PPP2R5A: variants seen among roughly 807,000 people sequenced by gnomAD.
PPP2R5A encodes protein phosphatase 2 regulatory subunit B'alpha.
In PPP2R5A, 25 loss-of-function variants were observed where a neutral mutation model predicts 64.2. The ratio of observed to expected loss-of-function variants is 0.39; its 90% confidence interval spans 0.28 to 0.54. The LOEUF is 0.54. Among genes scored for constraint, PPP2R5A ranks in the 20% least tolerant of loss-of-function variants. PPP2R5A has a pLI of 0.67. For synonymous variants in PPP2R5A, 198 were observed against 201.2 expected (o/e 0.98, Z 0.13); for missense variants, 425 against 576.3 (o/e 0.74, Z 2.69).
In PPP2R5A at chr1:212,357,264, T is replaced by C; in HGVS notation, c.1206T>C (p.Ile402=). The change falls in exon 11 of 13, where the codon ATT becomes ATC. Residue 402 remains isoleucine, a synonymous_variant. Coordinates refer to ENST00000261461, the MANE Select transcript of PPP2R5A (RefSeq NM_006243.4). ...TTATGTTTGCCAGTTTGTACAAAAT[T>C]TCCAAAGAACACTGGAATCCGTAAG... is the stretch of plus-strand genomic sequence containing the variant. ...LPIMFASLYK[I]SKEHWNPTIV... 1 of 1,585,324 alleles carries C rather than the reference T, an allele frequency of 6.3e-7. No individual in the cohort carries two copies. Among genetic ancestry groups the C allele is most frequent in the South Asian group, 1.2e-5 (1 of 84,354 alleles).
rs577125419 is a variant in PPP2R5A at position 212,320,942 on chromosome 1, A to AC, written c.182-8186dup. Among the ~76,000 whole-genome samples the AC allele has an allele frequency of 1.5e-3, 92 of 59,452 alleles. 12 individuals are homozygous for AC. The highest frequency in any genetic ancestry group is 3.0e-3 in the Admixed American group (17 of 5,680). 39.0% of individuals were successfully genotyped at this position (59,452 alleles called of 152,430 possible). A position where few individuals can be genotyped will look rare whatever the true frequency, so the allele number is the denominator to read the frequency against. On this transcript the variant is annotated intron_variant, in intron 1 of 12. Transcript: ENST00000261461. ...GGGCGGCTGGCCGGGCGGGGGGCTG[A>AC]CCCCCCCGCCTCCCTCCCGGACGGG...
intron 1 of PPP2R5A, among the ~76,000 whole-genome samples, chr1:212,322,080 C>G (rs1035715199): frequency 6.9e-4 from 104 of 151,280 alleles, no homozygotes; most frequent in African/African-American, 2.4e-3. Flanking sequence ...CGCAGGCACT[C>G]GGCAGGCTGA....
intron 1 of PPP2R5A, among the ~76,000 whole-genome samples, chr1:212,322,071 G>C (rs1009334693): frequency 4.0e-4 from 61 of 151,382 alleles, no homozygotes; most frequent in African/African-American, 1.4e-3. Flanking sequence ...GCCTGCAATC[G>C]CAGGCACTCG....
rs982093938 is a variant in PPP2R5A at position 212,356,515 on chromosome 1, C to CA, written c.928-109dup. The CA allele has an allele frequency of 3.2e-6, 3 of 951,628 alleles. No homozygotes were observed. The African/African-American group carries it at 5.0e-5, about 16-fold the overall frequency. The allele number at this position is 951,628 out of a possible 1,614,324, so 58.9% of individuals were successfully genotyped here. On this transcript the variant is annotated intron_variant, in intron 8 of 12. Coordinates refer to ENST00000261461, the MANE Select transcript of PPP2R5A (RefSeq NM_006243.4). ...AGTCTATTTATACACATATATTAAG[C>CA]AATATTGATTTACTTCAGAATGAGT...
At chr1:212,331,649 GT>G (rs1659507634) in intron 2 of PPP2R5A, 1 of 152,044 alleles carries the variant, frequency 6.6e-6, no homozygotes, top group African/African-American at 2.4e-5. Flanking sequence ...ATTTCCTACT[GT>G]TACTGATTTC....
intron 3 of PPP2R5A, 131 bp from the exon 4 acceptor site, chr1:212,342,057 T>G: frequency 1.5e-6 from 2 of 1,336,830 alleles, no homozygotes; most frequent in Non-Finnish European, 2.0e-6. Context: ...ATCAACTCAT[T>G]ACATTTTATA....
chr1:212,351,015 G>T (rs1469570484), intron 8 of PPP2R5A, among the ~76,000 whole-genome samples: 1 of 150,598 alleles, frequency 6.6e-6, no homozygotes, highest in South Asian at 2.1e-4. Context: ...ATGGTGGCGT[G>T]TGCCTGTAAT....
intron 1 of PPP2R5A, among the ~76,000 whole-genome samples, chr1:212,294,160 G>A (rs1658651745): frequency 6.6e-6 from 1 of 151,890 alleles, no homozygotes; most frequent in African/African-American, 2.4e-5. Flanking sequence ...TGTATATTTT[G>A]TCTAATTGGT....
intron 8 of PPP2R5A, 59 bp from the exon 9 acceptor site, chr1:212,356,567 T>TA (rs1659980824): frequency 3.4e-6 from 5 of 1,492,502 alleles, no homozygotes; most frequent in Non-Finnish European, 4.6e-6. Context: ...CTATGGAAAA[T>TA]ACGCTGGGAT....
chr1:212,305,636 G>C (rs1658885343), intron 1 of PPP2R5A, among the ~76,000 whole-genome samples: 1 of 151,964 alleles, frequency 6.6e-6, no homozygotes, highest in Non-Finnish European at 1.5e-5. Context: ...TATTGAAAGT[G>C]GGGTGTTGAA....
At chr1:212,321,111 A>G (rs1659277248) in intron 1 of PPP2R5A, among the ~76,000 whole-genome samples, 2 of 116,276 alleles carry the variant, frequency 1.7e-5, no homozygotes, top group African/African-American at 3.4e-5. Context: ...GGCCGGGCAG[A>G]GGGGCTCCTC....
chr1:212,342,844 CCTT>C (rs1247275673), intron 4 of PPP2R5A, among the ~76,000 whole-genome samples: 10 of 146,692 alleles, frequency 6.8e-5, no homozygotes, highest in African/African-American at 1.9e-4. Context: ...AATTGTGATG[CCTT>C]CTTTTTTTTT....
intron 1 of PPP2R5A, among the ~76,000 whole-genome samples, chr1:212,291,373 C>T (rs1279321379): frequency 6.6e-6 from 1 of 152,210 alleles, no homozygotes; most frequent in African/African-American, 2.4e-5. Context: ...TGAGCCACTG[C>T]ACCCGGCCTA....
chr1:212,321,141 C>CA (rs1659278352), intron 1 of PPP2R5A, among the ~76,000 whole-genome samples: 3 of 115,474 alleles, frequency 2.6e-5, no homozygotes, highest in Admixed American at 8.5e-5. Flanking sequence ...TAGGGGCGGC[C>CA]GGCAGAGGCG....
chr1:212,302,912 CAT>C (rs1156274090), intron 1 of PPP2R5A, among the ~76,000 whole-genome samples: 1 of 152,106 alleles, frequency 6.6e-6, no homozygotes, highest in Non-Finnish European at 1.5e-5. Context: ...CATGTTGTAG[CAT>C]GTGTTAGTAC....
chr1:212,317,915 G>A lies in PPP2R5A; in HGVS notation c.182-11220G>A, dbSNP rs912558900. Among the ~76,000 whole-genome samples the A allele has an allele frequency of 2.0e-5, 3 of 151,710 alleles. No individual in the cohort carries two copies. The South Asian group carries it at 6.2e-4, about 31-fold the overall frequency. ...GCAGGAGAATCGCTTGAACCTGGGA[G>A]GCAGAGGTTGCAGTGAGCTGAGACT... On this transcript the variant is annotated intron_variant, in intron 1 of 12. Transcript: ENST00000261461.
Position 212,344,269 on chromosome 1 carries a change from C to T in PPP2R5A, c.574-1534C>T, listed in dbSNP as rs556130491. Among the ~76,000 whole-genome samples the T allele has an allele frequency of 7.9e-5, 12 of 152,246 alleles. No individual in the cohort carries two copies. In the South Asian group the frequency reaches 8.3e-4, roughly 11 times the overall value. ...GATTACAGTTGAGAGCCACTTTGCC[C>T]GGCTGCCATTTTTAATTAGAATAAT... On this transcript the variant is annotated intron_variant, in intron 4 of 12. Transcript: ENST00000261461.
chr1:212,336,886 T>G (rs1659601323), intron 3 of PPP2R5A, among the ~76,000 whole-genome samples: 1 of 152,216 alleles, frequency 6.6e-6, no homozygotes, highest in East Asian at 1.9e-4. Context: ...AGAAACTAAT[T>G]TATTAGGGTG....
chr1:212,314,095 C>G (rs1165739229), intron 1 of PPP2R5A, among the ~76,000 whole-genome samples: 1 of 152,138 alleles, frequency 6.6e-6, no homozygotes, highest in Non-Finnish European at 1.5e-5. Context: ...TTTCGTTAGA[C>G]TTCTCAGATT....
Sources: gnomAD v4.1 joint callset for allele counts (sites outside exome capture counted in the v4.1 genomes callset) on GRCh38, gnomAD v4.1.1 for gene constraint, MANE v1.5 for transcripts, NCBI Gene and HGNC (gene_info 2026-07-23, HGNC 2026-07-21) for gene names.